The following ATP9A variants were observed in gnomAD, a reference collection of about 807,000 sequenced individuals.
ATP9A encodes probable phospholipid-transporting ATPase IIA.
A neutral mutation model predicts 144.1 loss-of-function variants in ATP9A; 52 were observed. The ratio of observed to expected loss-of-function variants is 0.36; its 90% CI spans 0.29 to 0.45. The LOEUF is 0.45. Ranked by LOEUF, ATP9A falls within the 20% of genes least tolerant of loss-of-function variation. The pLI, the probability that ATP9A is intolerant of heterozygous loss-of-function variation, is 1.00. For synonymous variants in ATP9A, 582 were observed against 557.4 expected (o/e 1.04, Z -0.62); for missense variants, 947 against 1,392.7 (o/e 0.68, Z 5.09).
intron 1 of ATP9A, among the ~76,000 whole-genome samples, chr20:51,754,508 A>G (rs986476743): frequency 6.6e-6 from 1 of 152,010 alleles, no homozygotes; most frequent in Admixed American, 6.6e-5. Context: ...CATCTCGGGA[A>G]AAAAAGAAGA....
intron 3 of ATP9A, among the ~76,000 whole-genome samples, chr20:51,720,671 T>C (rs1362444860): frequency 1.3e-5 from 2 of 152,112 alleles, no homozygotes; most frequent in Admixed American, 6.6e-5. Context: ...TCGTCTCTAC[T>C]AAAAATACAA....
chr20:51,695,240 G>A (rs1381303689), intron 6 of ATP9A, among the ~76,000 whole-genome samples: 1 of 152,022 alleles, frequency 6.6e-6, no homozygotes, highest in Non-Finnish European at 1.5e-5. Context: ...TGTAATTCCA[G>A]CATTTTGGGA....
intron 1 of ATP9A, among the ~76,000 whole-genome samples, chr20:51,751,268 T>G (rs1050064301): frequency 3.2e-4 from 48 of 148,720 alleles, no homozygotes; most frequent in Non-Finnish European, 5.1e-4. Context: ...TTTGTTTTTT[T>G]TTTTTTTTTT....
chr20:51,658,970 T>A (rs1206940002), intron 13 of ATP9A, among the ~76,000 whole-genome samples: 1 of 140,810 alleles, frequency 7.1e-6, no homozygotes, highest in Non-Finnish European at 1.5e-5. Context: ...CATCTCCAGC[T>A]GTCCCTCATG....
intron 10 of ATP9A, 76 bp from the exon 11 acceptor site, chr20:51,674,389 GC>G: frequency 6.8e-7 from 1 of 1,478,024 alleles, no homozygotes; most frequent in Non-Finnish European, 9.2e-7. Flanking sequence ...GGAGGTGGAG[GC>G]TGCAGTGAGC....
intron 1 of ATP9A, 87 bp downstream of exon 1, chr20:51,768,215 C>T: frequency 2.2e-6 from 2 of 900,524 alleles, no homozygotes; most frequent in Admixed American, 4.8e-5. Context: ...CGGCGCGCGG[C>T]CAACCTGTCA....
At chr20:51,728,939 T>C (rs926632130) in intron 2 of ATP9A, among the ~76,000 whole-genome samples, 2 of 152,158 alleles carry the variant, frequency 1.3e-5, no homozygotes, top group East Asian at 3.9e-4. Context: ...TGGATAAAAA[T>C]AGATATTTAA....
intron 2 of ATP9A, among the ~76,000 whole-genome samples, chr20:51,727,397 G>A (rs933495103): frequency 6.6e-6 from 1 of 151,718 alleles, no homozygotes; most frequent in Non-Finnish European, 1.5e-5. Context: ...ACCAGCCATG[G>A]CAACATGGTA....
chr20:51,671,822 G>T (rs6021364), intron 11 of ATP9A, among the ~76,000 whole-genome samples: 1 of 150,942 alleles, frequency 6.6e-6, no homozygotes, highest in Non-Finnish European at 1.5e-5. Context: ...TTTTTGAGAC[G>T]AAGTCTCACT....
At chr20:51,649,195 C>T (rs1301338056) in intron 14 of ATP9A, among the ~76,000 whole-genome samples, 2 of 152,122 alleles carry the variant, frequency 1.3e-5, no homozygotes, top group Non-Finnish European at 2.9e-5. Context: ...GTACTTCATC[C>T]AGTATCAGCC....
At chr20:51,638,082 T>C (rs1324760867) in intron 15 of ATP9A, among the ~76,000 whole-genome samples, 2 of 25,904 alleles carry the variant, frequency 7.7e-5, no homozygotes. Context: ...TATATATATA[T>C]ATATATATAT....
At chr20:51,692,298 C>G (rs1319429032) in intron 7 of ATP9A, among the ~76,000 whole-genome samples, 3 of 152,212 alleles carry the variant, frequency 2.0e-5, no homozygotes, top group African/African-American at 7.2e-5. Flanking sequence ...AACAAGAAGT[C>G]AACCTTAGGT....
At chr20:51,719,973 C>T (rs534877288) in intron 3 of ATP9A, among the ~76,000 whole-genome samples, 1 of 152,250 alleles carries the variant, frequency 6.6e-6, no homozygotes, top group African/African-American at 2.4e-5. Flanking sequence ...CACTTGAACC[C>T]GAGAGGCAGA....
chr20:51,760,232 G>C (rs112141384), intron 1 of ATP9A, among the ~76,000 whole-genome samples: 107 of 152,218 alleles, frequency 7.0e-4, no homozygotes, highest in African/African-American at 2.6e-3. Flanking sequence ...TGTTGCCTGT[G>C]AGTTCGATGT....
intron 13 of ATP9A, among the ~76,000 whole-genome samples, chr20:51,669,020 A>T (rs912653162): frequency 1.3e-5 from 2 of 152,214 alleles, no homozygotes; most frequent in Non-Finnish European, 2.9e-5. Context: ...CTCTATTTCG[A>T]CGAATTTAAG....
In ATP9A at chr20:51,628,999, T is replaced by A; in HGVS notation, c.1742A>T (p.Asn581Ile). 6.2e-7 allele frequency: 1 copy of A among 1,613,808 alleles called. No homozygotes were observed. Among genetic ancestry groups the A allele is most frequent in the Non-Finnish European group, 8.5e-7 (1 of 1,179,722 alleles). Residue 581 changes from asparagine (N) to isoleucine (I), a missense_variant, in exon 16 of 28, where the codon AAT becomes ATT. By Grantham distance (149) the Asn-to-Ile change is moderately radical (BLOSUM62 -3). Coordinates refer to ENST00000338821, the MANE Select transcript of ATP9A (RefSeq NM_006045.3). ...ACTTACCTCTTCCTCCAACCAGTCA[T>A]TGTACTGCACAATGCCAGCCATGAC... The part of the protein sequence containing the change: ...DVVMAGIVQY[N>I]DWLEEECGNM...
chr20:51,628,939 A>G, intron 16 of ATP9A, 41 bp downstream of exon 16: 1 of 1,551,550 alleles, frequency 6.4e-7, no homozygotes, highest in Non-Finnish European at 8.9e-7. Flanking sequence ...TCTGCAGAAC[A>G]TGCTTCCAAG....
chr20:51,744,254 C>T (rs2077798009), intron 1 of ATP9A, among the ~76,000 whole-genome samples: 2 of 152,114 alleles, frequency 1.3e-5, no homozygotes, highest in Admixed American at 1.3e-4. Context: ...TAACCTCCGC[C>T]TCCCAGGCTC....
At chr20:51,762,471 G>A (rs11905707) in intron 1 of ATP9A, among the ~76,000 whole-genome samples, 29,028 of 149,536 alleles carry the variant, frequency 0.19, 3,209 homozygotes, top group East Asian at 0.31. Context: ...CTCCAGCCTA[G>A]TGACAGAGCA....
Sources: gnomAD v4.1 joint callset for allele counts (sites outside exome capture counted in the v4.1 genomes callset) on GRCh38, gnomAD v4.1.1 for gene constraint, MANE v1.5 for transcripts, NCBI Gene and HGNC (gene_info 2026-07-23, HGNC 2026-07-21) for gene names.